Variants in KANSL1 observed in about 807,000 individuals in gnomAD.
The protein encoded by KANSL1 is MLL1/MLL complex subunit KANSL1.
KANSL1 carries 22 observed loss-of-function variants against 103.6 expected under a neutral mutation model. The observed-to-expected ratio is 0.21, with a 90% CI of 0.15 to 0.30. The LOEUF (loss-of-function observed/expected upper bound fraction) is 0.30. KANSL1 is among the 10% of genes least tolerant of loss of function. The pLI is 1.00. For synonymous variants in KANSL1, 600 were observed against 527.6 expected (o/e 1.14, Z -1.88); for missense variants, 1,337 against 1,399.8 (o/e 0.96, Z 0.72).
At chr17:46,182,346 A>C (rs1004656442) in intron 1 of KANSL1, among the ~76,000 whole-genome samples, 14 of 152,274 alleles carry the variant, frequency 9.2e-5, no homozygotes, top group Admixed American at 2.0e-4. Context: ...CAAGAGAAAG[A>C]GAGGAAAAGA....
Position 46,053,740 on chromosome 17 carries a change from A to G in KANSL1, c.1849-3036T>C, listed in dbSNP as rs370227687. 2.0e-4 allele frequency among the ~76,000 whole-genome samples: 30 copies of G among 152,318 alleles called. 1 individual carries two copies. The South Asian group carries it at 6.2e-3, about 32-fold the overall frequency. ...TGAGCCACCGCACCCGGCCAAAGAT[A>G]TATTTAATACTTATTAAAGGATACA... On this transcript the variant is annotated intron_variant, in intron 6 of 14. Transcript: ENST00000432791.
At chr17:46,057,872 G>A (rs1392278849) in intron 6 of KANSL1, among the ~76,000 whole-genome samples, 1 of 152,184 alleles carries the variant, frequency 6.6e-6, no homozygotes, top group Non-Finnish European at 1.5e-5. Context: ...CAGGACTTCT[G>A]CTTCTAGCAG....
chr17:46,046,502 G>A (rs539550684), intron 7 of KANSL1, among the ~76,000 whole-genome samples: 1 of 117,408 alleles, frequency 8.5e-6, no homozygotes, highest in Non-Finnish European at 1.6e-5. Context: ...CTGCATTCTA[G>A]CCTGAGTGAC....
At chr17:46,164,446 G>A (rs1391906478) in intron 2 of KANSL1, among the ~76,000 whole-genome samples, 1 of 152,238 alleles carries the variant, frequency 6.6e-6, no homozygotes, top group Non-Finnish European at 1.5e-5. Context: ...GAAAAGCCAA[G>A]GGGCATTAAA....
chr17:46,062,701 T>C (rs1269114688), intron 6 of KANSL1, among the ~76,000 whole-genome samples: 6 of 151,812 alleles, frequency 4.0e-5, no homozygotes, highest in Non-Finnish European at 8.8e-5. Context: ...AACGTGCATC[T>C]CAATTTTAAG....
intron 3 of KANSL1, among the ~76,000 whole-genome samples, chr17:46,086,286 A>G (rs564594872): frequency 2.7e-4 from 41 of 152,248 alleles, no homozygotes; most frequent in Non-Finnish European, 4.6e-4. Flanking sequence ...AGAGAGTATA[A>G]TAAAACTTGG....
chr17:46,201,626 C>G (rs1194455488), intron 1 of KANSL1, among the ~76,000 whole-genome samples: 1 of 151,926 alleles, frequency 6.6e-6, no homozygotes, highest in African/African-American at 2.4e-5. Flanking sequence ...AATCCTAACA[C>G]TTTGGGAGAC....
At chr17:46,033,282 G>A (rs2077061053) in intron 12 of KANSL1, 90 bp from the exon 13 acceptor site, 1 of 1,427,414 alleles carries the variant, frequency 7.0e-7, no homozygotes, top group East Asian at 2.3e-5. Context: ...GGTCACGACA[G>A]GAATACAAGG....
intron 2 of KANSL1, among the ~76,000 whole-genome samples, chr17:46,139,473 T>C (rs931461172): frequency 6.6e-6 from 1 of 152,234 alleles, no homozygotes; most frequent in African/African-American, 2.4e-5. Flanking sequence ...CCTGTGCCAC[T>C]ACTCACCCAT....
intron 1 of KANSL1, among the ~76,000 whole-genome samples, chr17:46,200,638 A>T (rs1274836276): frequency 6.6e-6 from 1 of 152,126 alleles, no homozygotes; most frequent in Non-Finnish European, 1.5e-5. Context: ...GCTACTCGGG[A>T]GGCTGAGGCA....
intron 3 of KANSL1, chr17:46,088,431 G>A (rs1216791140): frequency 6.6e-6 from 1 of 152,170 alleles, no homozygotes; most frequent in African/African-American, 2.4e-5. Context: ...AACTTCAACA[G>A]CTTTATGAAA....
intron 1 of KANSL1, among the ~76,000 whole-genome samples, chr17:46,202,466 A>G (rs2047836208): frequency 6.6e-6 from 1 of 152,226 alleles, no homozygotes; most frequent in African/African-American, 2.4e-5. Context: ...ACAGCTCCAA[A>G]CAGCCCTAGA....
intron 1 of KANSL1, among the ~76,000 whole-genome samples, chr17:46,220,996 C>CTTTT (rs56342423): frequency 7.2e-6 from 1 of 138,890 alleles, no homozygotes. Flanking sequence ...CCCTAAAGAT[C>CTTTT]TTTTTTTTTT....
At position 46,180,034 on chromosome 17, in the gene KANSL1, A is replaced by AG. The variant is rs1269150242; in HGVS notation, c.-89-7803dup. On this transcript the variant is annotated intron_variant, in intron 1 of 14. Coordinates refer to ENST00000432791, the MANE Select transcript of KANSL1 (RefSeq NM_015443.4). ...AGCTGAGATCGGGCCACTGCACTCCAGCTTGGGTAACAAGAGCGAGACTCC... is the reference window on the plus strand; with the variant it reads ...AGCTGAGATCGGGCCACTGCACTCCAGGCTTGGGTAACAAGAGCGAGACTCC... 4.6e-5 allele frequency among the ~76,000 whole-genome samples: 7 copies of AG among 152,216 alleles called. No homozygotes were observed. The East Asian group carries it at 1.4e-3, about 29-fold the overall frequency.
intron 4 of KANSL1, among the ~76,000 whole-genome samples, chr17:46,078,904 G>A: frequency 6.6e-6 from 1 of 152,190 alleles, no homozygotes; most frequent in East Asian, 1.9e-4. Context: ...AAATTTCACA[G>A]AAGCATTTAT....
chr17:46,086,939 T>G (rs995060910), intron 3 of KANSL1, among the ~76,000 whole-genome samples: 4 of 152,132 alleles, frequency 2.6e-5, no homozygotes, highest in Non-Finnish European at 4.4e-5. Flanking sequence ...GCTAGTTTTT[T>G]GTATTTTTAG....
At chr17:46,072,427 C>T (rs1378297739) in intron 4 of KANSL1, among the ~76,000 whole-genome samples, 1 of 152,062 alleles carries the variant, frequency 6.6e-6, no homozygotes, top group African/African-American at 2.4e-5. Flanking sequence ...CCCTTTCTGA[C>T]AAACATTAAA....
chr17:46,094,814 T>C (rs755213401), intron 2 of KANSL1, 113 bp from the exon 3 acceptor site: 24 of 1,272,128 alleles, frequency 1.9e-5, no homozygotes, highest in East Asian at 4.8e-5. Flanking sequence ...CTAACTCTAG[T>C]GTCAAGAAAA....
intron 4 of KANSL1, among the ~76,000 whole-genome samples, chr17:46,081,676 G>T (rs1306915606): frequency 6.6e-6 from 1 of 152,156 alleles, no homozygotes; most frequent in East Asian, 1.9e-4. Context: ...TATAAGGTTG[G>T]TTTATTTGCG....
Sources: gnomAD v4.1 joint callset for allele counts (sites outside exome capture counted in the v4.1 genomes callset) on GRCh38, gnomAD v4.1.1 for gene constraint, MANE v1.5 for transcripts, NCBI Gene and HGNC (gene_info 2026-07-23, HGNC 2026-07-21) for gene names.